Variants in PARD3 observed in about 807,000 individuals in gnomAD.
PARD3 encodes partitioning defective 3 homolog.
In PARD3, 75 loss-of-function variants were observed where a neutral mutation model predicts 155.4. The ratio of observed to expected loss-of-function variants is 0.48; its 90% CI spans 0.40 to 0.58. The LOEUF is 0.58. PARD3 is among the 20% of genes least tolerant of loss of function. The probability of loss-of-function intolerance (pLI) is 0.00; values close to 1 mark genes in which losing one functional copy is unlikely to be tolerated. For synonymous variants in PARD3, 576 were observed against 610.5 expected (o/e 0.94, Z 0.83); for missense variants, 1,642 against 1,721.7 (o/e 0.95, Z 0.82).
At chr10:34,785,242 T>A (rs546749224) in intron 1 of PARD3, among the ~76,000 whole-genome samples, 2 of 152,248 alleles carry the variant, frequency 1.3e-5, no homozygotes, top group Admixed American at 6.5e-5. Context: ...TATAACTTTA[T>A]CTTTTAAAAA....
intron 2 of PARD3, among the ~76,000 whole-genome samples, chr10:34,548,357 G>A (rs1028167171): frequency 6.6e-6 from 1 of 152,000 alleles, no homozygotes; most frequent in Non-Finnish European, 1.5e-5. Flanking sequence ...AAAAAAGCCA[G>A]GCATGGTGGT....
At chr10:34,148,601 T>C (rs982920433) in intron 22 of PARD3, among the ~76,000 whole-genome samples, 1 of 152,186 alleles carries the variant, frequency 6.6e-6, no homozygotes, top group African/African-American at 2.4e-5. Flanking sequence ...TAGAGAACTT[T>C]TGGAGAAGGT....
chr10:34,119,916 G>T (rs1946893948), intron 23 of PARD3, among the ~76,000 whole-genome samples, 176 bp from the exon 24 acceptor site: 1 of 151,372 alleles, frequency 6.6e-6, no homozygotes, highest in Admixed American at 6.6e-5. Flanking sequence ...GCTCTTATGA[G>T]CCCATAAACA....
intron 20 of PARD3, among the ~76,000 whole-genome samples, chr10:34,293,177 C>T (rs930983634): frequency 6.6e-6 from 1 of 152,142 alleles, no homozygotes; most frequent in Admixed American, 6.6e-5. Flanking sequence ...TACATATAAT[C>T]TATACTTACA....
intron 2 of PARD3, among the ~76,000 whole-genome samples, chr10:34,629,741 T>C (rs1472769845): frequency 6.6e-6 from 1 of 152,244 alleles, no homozygotes; most frequent in African/African-American, 2.4e-5. Context: ...GTTTAGTGAC[T>C]TATTTAAAAC....
rs1016543069 is a variant in PARD3, at chr10:34,442,052, C to T, written c.714+8265G>A. ...CATTTGGTGTTGCTAGAGATAAACA[C>T]GACTATTTTGCTTCTCTACAAATTT... On this transcript the variant is annotated intron_variant, in intron 5 of 24. Transcript: ENST00000374788. Among the ~76,000 whole-genome samples the T allele has an allele frequency of 5.3e-4, 81 of 152,110 alleles. 1 individual carries two copies. Among genetic ancestry groups the T allele is most frequent in the African/African-American group, 1.8e-3 (74 of 41,428 alleles).
intron 14 of PARD3, among the ~76,000 whole-genome samples, chr10:34,350,774 T>A (rs1276774710): frequency 6.6e-6 from 1 of 152,180 alleles, no homozygotes; most frequent in African/African-American, 2.4e-5. Flanking sequence ...CAGTCCCCTG[T>A]AGCAGTGGCT....
At chr10:34,344,839 A>G in intron 15 of PARD3, 1 of 985,436 alleles carries the variant, frequency 1.0e-6, no homozygotes, top group Non-Finnish European at 1.2e-6. Flanking sequence ...CATGATAAAG[A>G]AAAACATGCA....
intron 2 of PARD3, among the ~76,000 whole-genome samples, chr10:34,664,323 C>T (rs1317140618): frequency 6.6e-6 from 1 of 152,258 alleles, no homozygotes; most frequent in Non-Finnish European, 1.5e-5. Flanking sequence ...CTGCCTCAGC[C>T]TACCAAGTAG....
chr10:34,229,742 T>C (rs1451509815), intron 22 of PARD3, among the ~76,000 whole-genome samples: 1 of 152,032 alleles, frequency 6.6e-6, no homozygotes, highest in Admixed American at 6.5e-5. Flanking sequence ...ATATTTCTTA[T>C]GTTTTCAGTA....
intron 21 of PARD3, among the ~76,000 whole-genome samples, chr10:34,274,559 C>T (rs1370111984): frequency 6.6e-6 from 1 of 152,154 alleles, no homozygotes; most frequent in African/African-American, 2.4e-5. Context: ...CACCATTCAT[C>T]AGTCACTTAA....
chr10:34,278,215 T>TA (rs5784405), intron 21 of PARD3, among the ~76,000 whole-genome samples: 81,168 of 150,934 alleles, frequency 0.54, 22,244 homozygotes, highest in Middle Eastern at 0.64. Flanking sequence ...CCCTGCTAAT[T>TA]AAAAAAAATA....
rs398013195 is a variant in PARD3 at position 34,606,638 on chromosome 10, C to CA, written c.223-89480dup. Among the ~76,000 whole-genome samples the CA allele has an allele frequency of 3.5e-3, 276 of 79,620 alleles. 3 individuals carry two copies. Among genetic ancestry groups the CA allele is most frequent in the Non-Finnish European group, 3.7e-3 (153 of 41,190 alleles). The allele number at this position is 79,620 out of a possible 152,430, so 52.2% of individuals were successfully genotyped here. On this transcript the variant is annotated intron_variant, in intron 2 of 24. Coordinates refer to ENST00000374788, the MANE Select transcript of PARD3 (RefSeq NM_001184785.2). ...CAACATAGTGAGACCCCCGTGTCTT[C>CA]AAAAAAAAAAAAAAAAAAAAAAAAG... is the stretch of plus-strand genomic sequence containing the variant.
intron 3 of PARD3, among the ~76,000 whole-genome samples, chr10:34,494,680 A>G (rs182879581): frequency 6.6e-6 from 1 of 152,360 alleles, no homozygotes; most frequent in African/African-American, 2.4e-5. Context: ...TAATACAAAC[A>G]TTATTAAACA....
intron 20 of PARD3, among the ~76,000 whole-genome samples, chr10:34,309,498 A>G (rs1424966738): frequency 7.3e-6 from 1 of 136,632 alleles, no homozygotes; most frequent in East Asian, 2.4e-4. Context: ...TTCAAGGTGC[A>G]GTGAGGCATG....
intron 12 of PARD3, among the ~76,000 whole-genome samples, chr10:34,371,485 TCAAAAAAAAAAAAAAAAAAAAAA>T (rs1840610821): frequency 3.4e-5 from 1 of 29,634 alleles, no homozygotes; most frequent in Non-Finnish European, 7.0e-5. Flanking sequence ...GATTCTAGAC[TCAAAAAAAAAAAAAAAAAAAAAA>T]AAAAAAAAAA....
chr10:34,713,619 A>AGTC (rs1402588756), intron 1 of PARD3, among the ~76,000 whole-genome samples: 1 of 152,070 alleles, frequency 6.6e-6, no homozygotes, highest in Non-Finnish European at 1.5e-5. Context: ...AAATAAAATT[A>AGTC]GTCAGGCGTG....
chr10:34,783,459 C>T (rs1405168108), intron 1 of PARD3, among the ~76,000 whole-genome samples: 2 of 151,768 alleles, frequency 1.3e-5, no homozygotes, highest in Non-Finnish European at 2.9e-5. Context: ...AAAAAATTAG[C>T]TGGGCGTGGT....
chr10:34,729,591 T>C (rs1019938423), intron 1 of PARD3, among the ~76,000 whole-genome samples: 1 of 151,870 alleles, frequency 6.6e-6, no homozygotes, highest in Non-Finnish European at 1.5e-5. Context: ...TTGTGAGAAT[T>C]TGAAGGATTC....
Sources: gnomAD v4.1 joint callset for allele counts (sites outside exome capture counted in the v4.1 genomes callset) on GRCh38, gnomAD v4.1.1 for gene constraint, MANE v1.5 for transcripts, NCBI Gene and HGNC (gene_info 2026-07-23, HGNC 2026-07-21) for gene names.